CADM1: variants seen among roughly 807,000 people sequenced by gnomAD.
CADM1 encodes the protein cell adhesion molecule 1, also known as TSLC-1.
In CADM1, 15 loss-of-function variants were observed where a neutral mutation model predicts 53.1. The observed-to-expected ratio is 0.28, with a 90% CI of 0.19 to 0.44. The LOEUF is 0.44. Ranked by LOEUF, CADM1 falls within the 20% of genes least tolerant of loss-of-function variation. CADM1 has a pLI of 1.00. For synonymous variants in CADM1, 281 were observed against 243.0 expected (o/e 1.16, Z -1.45); for missense variants, 434 against 611.3 (o/e 0.71, Z 3.06).
At chr11:115,402,694 G>C (rs1407862891) in intron 1 of CADM1, among the ~76,000 whole-genome samples, 1 of 151,594 alleles carries the variant, frequency 6.6e-6, no homozygotes, top group African/African-American at 2.4e-5. Context: ...CATAATAAGA[G>C]ACATAACATT....
rs542584982 is a variant in CADM1 at position 115,272,470 on chromosome 11, T to C, written c.125-32050A>G. On this transcript the variant is annotated intron_variant, in intron 1 of 11. Coordinates refer to ENST00000331581, the MANE Select transcript of CADM1 (RefSeq NM_001301043.2). ...AGTTTAATCAGTTAGACCTAACTAGTATACAGCTAGATTATTATGAGTTTA... is the reference window on the plus strand; with the variant it reads ...AGTTTAATCAGTTAGACCTAACTAGCATACAGCTAGATTATTATGAGTTTA... Among the ~76,000 whole-genome samples the C allele has an allele frequency of 3.3e-5, 5 of 152,262 alleles. No individual in the cohort carries two copies. In the South Asian group the frequency reaches 1.0e-3, roughly 32 times the overall value.
intron 3 of CADM1, among the ~76,000 whole-genome samples, chr11:115,232,829 G>A (rs1405994706): frequency 1.3e-5 from 2 of 152,138 alleles, no homozygotes; most frequent in East Asian, 3.9e-4. Flanking sequence ...CCATGAATAA[G>A]CAAAGACAGT....
At chr11:115,456,311 A>C (rs2458256) in intron 1 of CADM1, among the ~76,000 whole-genome samples, 1 of 144,418 alleles carries the variant, frequency 6.9e-6, no homozygotes, top group Non-Finnish European at 1.5e-5. Flanking sequence ...ACACTGATAC[A>C]AAAAAAAAAC....
In CADM1 at chr11:115,290,706, A is replaced by G. The variant is rs75177233; in HGVS notation, c.125-50286T>C. Among the ~76,000 whole-genome samples, 1,336 of 152,348 alleles carry G rather than the reference A, an allele frequency of 8.8e-3. 21 individuals are homozygous for G. The highest frequency in any genetic ancestry group is 0.031 in the African/African-American group (1,272 of 41,564). ...ATAAGGAAAATAAAAGGAGGAAATTAGAACAAATAAGATGGATGATGTAAT... is the reference window on the plus strand; with the variant it reads ...ATAAGGAAAATAAAAGGAGGAAATTGGAACAAATAAGATGGATGATGTAAT... On this transcript the variant is annotated intron_variant, in intron 1 of 11. Transcript: ENST00000331581.
chr11:115,378,240 T>A (rs220849), intron 1 of CADM1, among the ~76,000 whole-genome samples: 2,468 of 152,208 alleles, frequency 0.016, 89 homozygotes, highest in African/African-American at 0.055. Flanking sequence ...ACTGACAGCA[T>A]CCTCAGGACT....
chr11:115,419,000 A>T (rs1020008933), intron 1 of CADM1, among the ~76,000 whole-genome samples: 4 of 152,230 alleles, frequency 2.6e-5, no homozygotes, highest in African/African-American at 9.6e-5. Context: ...GGTCCCATAA[A>T]TGAATGCACA....
chr11:115,349,321 T>C (rs528137757), intron 1 of CADM1, among the ~76,000 whole-genome samples: 117 of 152,332 alleles, frequency 7.7e-4, no homozygotes, highest in Non-Finnish European at 1.4e-3. Flanking sequence ...ATATGCAAGA[T>C]TCTCTTCAAT....
intron 1 of CADM1, among the ~76,000 whole-genome samples, chr11:115,444,539 T>C (rs1344598647): frequency 6.6e-6 from 1 of 151,774 alleles, no homozygotes; most frequent in East Asian, 1.9e-4. Context: ...GTGAAAATAA[T>C]GTTGTTACTA....
intron 1 of CADM1, among the ~76,000 whole-genome samples, chr11:115,407,215 C>T (rs1460677462): frequency 6.6e-6 from 1 of 152,168 alleles, no homozygotes; most frequent in Non-Finnish European, 1.5e-5. Context: ...CACCTCTTCG[C>T]TGAACTTTTC....
intron 1 of CADM1, among the ~76,000 whole-genome samples, chr11:115,333,399 T>C (rs11215499): frequency 0.066 from 10,051 of 152,202 alleles, 460 homozygotes; most frequent in Non-Finnish European, 0.097. Flanking sequence ...CTGAAAATCA[T>C]TGGGAGGATC....
intron 5 of CADM1, among the ~76,000 whole-genome samples, chr11:115,225,618 A>G (rs1591621765): frequency 6.6e-6 from 1 of 152,312 alleles, no homozygotes; most frequent in East Asian, 1.9e-4. Flanking sequence ...ACTTAAATCC[A>G]CAAGACAAAA....
rs1945109631 is a variant in CADM1 at position 115,330,749 on chromosome 11, C to T, written c.125-90329G>A. 2.0e-5 allele frequency among the ~76,000 whole-genome samples: 3 copies of T among 152,214 alleles called. No homozygotes were observed. The South Asian group carries it at 6.2e-4, about 32-fold the overall frequency. ...ACGTCTTTGCAGATGCCCTTGTGTT[C>T]AAAGTGGAGCCAAAGGATGATTGGA... On this transcript the variant is annotated intron_variant, in intron 1 of 11. Transcript: ENST00000331581.
chr11:115,503,561 GC>G (rs912938053), intron 1 of CADM1, among the ~76,000 whole-genome samples: 15 of 151,520 alleles, frequency 9.9e-5, no homozygotes, highest in South Asian at 4.2e-4. Flanking sequence ...GACAGCGGCC[GC>G]CCCCCCCGCG....
chr11:115,465,917 T>C lies in CADM1; in HGVS notation c.124+38354A>G, dbSNP rs1295495826. Among the ~76,000 whole-genome samples, 8 of 152,292 alleles carry C rather than the reference T, an allele frequency of 5.3e-5. No homozygotes were observed. The East Asian group carries it at 7.7e-4, about 15-fold the overall frequency. On this transcript the variant is annotated intron_variant, in intron 1 of 11. Transcript: ENST00000331581. ...ATTCTATAATAGAATTCTGCTAAAA[T>C]GGATAACAAGTAATTTACAGACTTC...
chr11:115,421,069 T>C (rs1021743975), intron 1 of CADM1, among the ~76,000 whole-genome samples: 15 of 152,188 alleles, frequency 9.9e-5, no homozygotes, highest in Non-Finnish European at 2.1e-4. Context: ...TTTAACTTAA[T>C]GTTAAAACAA....
intron 1 of CADM1, among the ~76,000 whole-genome samples, chr11:115,315,396 A>G (rs1944638052): frequency 6.6e-6 from 1 of 152,188 alleles, no homozygotes; most frequent in African/African-American, 2.4e-5. Context: ...AATGAGAGAA[A>G]TCCAACAAGA....
In CADM1 at chr11:115,315,303, T is replaced by C. The variant is rs138478049; in HGVS notation, c.125-74883A>G. On this transcript the variant is annotated intron_variant, in intron 1 of 11. Coordinates refer to ENST00000331581, the MANE Select transcript of CADM1 (RefSeq NM_001301043.2). ...ATTTTTATAATTAGTGTTTCTTTGA[T>C]AGAAAAGATGGCAAAAGGACAGGAT... 5.4e-3 allele frequency among the ~76,000 whole-genome samples: 816 copies of C among 152,294 alleles called. 10 individuals carry two copies. The highest frequency in any genetic ancestry group is 0.019 in the African/African-American group (779 of 41,554).
chr11:115,495,530 G>T (rs1352628295), intron 1 of CADM1, among the ~76,000 whole-genome samples: 2 of 152,170 alleles, frequency 1.3e-5, no homozygotes, highest in Non-Finnish European at 2.9e-5. Flanking sequence ...AACAAATTTA[G>T]CAGGTAGACT....
At chr11:115,477,798 G>GC (rs1949169036) in intron 1 of CADM1, among the ~76,000 whole-genome samples, 1 of 152,234 alleles carries the variant, frequency 6.6e-6, no homozygotes, top group South Asian at 2.1e-4. Context: ...TGGGGTCCAG[G>GC]CAGAGCCTGG....
Sources: allele counts gnomAD v4.1 joint callset (sites outside exome capture counted in the v4.1 genomes callset), GRCh38; gene constraint gnomAD v4.1.1; transcripts MANE v1.5; gene names NCBI Gene and HGNC (gene_info 2026-07-23, HGNC 2026-07-21).